Variants in RDM1 observed in about 807,000 individuals in gnomAD.
The protein encoded by RDM1 is RAD52 motif containing 1, also known as RAD52 motif-containing protein 1.
Under a neutral mutation model 27.7 loss-of-function variants are expected in RDM1, and 28 were observed. That is an observed-to-expected ratio of 1.01 (90% confidence interval 0.75 to 1.39). The LOEUF is 1.39. Ranked by LOEUF, RDM1 falls within the 40% of genes most tolerant of loss-of-function variation. The pLI is 0.00. For missense variants in RDM1, 277 were observed against 337.3 expected, an observed-to-expected ratio of 0.82 and a Z score of 1.40; for synonymous variants, 124 against 127.5, an observed-to-expected ratio of 0.97 and a Z score of 0.19.
chr17:35,924,599 C>G lies in RDM1; in HGVS notation c.568+5G>C. The stretch of plus-strand genomic sequence containing the variant: ...TACCCTCCTCCACTCCCAGTGAAAA[C>G]AGACCTTCCTCCACCTTATCCATAG... On this transcript the variant is annotated splice_donor_5th_base_variant and intron_variant, in intron 4 of 6. Coordinates refer to ENST00000620284, the MANE Select transcript of RDM1 (RefSeq NM_145654.4). The G allele has an allele frequency of 6.2e-7, 1 of 1,608,220 alleles. No homozygotes were observed. The highest frequency in any genetic ancestry group is 8.5e-7 in the Non-Finnish European group (1 of 1,175,830).
chr17:35,929,093 G>A (rs1431314167), intron 2 of RDM1, among the ~76,000 whole-genome samples: 1 of 149,106 alleles, frequency 6.7e-6, no homozygotes, highest in Non-Finnish European at 1.5e-5. Flanking sequence ...AAAATAAAAA[G>A]TAAATATAGC....
intron 2 of RDM1, among the ~76,000 whole-genome samples, chr17:35,926,518 C>T (rs960821935): frequency 3.3e-5 from 5 of 152,124 alleles, no homozygotes; most frequent in African/African-American, 1.2e-4. Context: ...ATTCTCCTGC[C>T]TCAGCCTCCC....
chr17:35,930,753 TA>T lies in RDM1; in HGVS notation c.-27del. On this transcript the variant is annotated 5_prime_UTR_variant, in exon 1 of 7. It introduces an in-frame stop codon into an upstream open reading frame of the 5' UTR. Coordinates refer to ENST00000620284, the MANE Select transcript of RDM1 (RefSeq NM_145654.4). ...CCTCCCTTCACCGCACCTGCGCGGC[TA>T]ACCCTCGCCCCAGCATTGCGCCTGC... 6.2e-7 allele frequency: 1 copy of T among 1,607,860 alleles called. No homozygotes were observed. Among genetic ancestry groups the T allele is most frequent in the Non-Finnish European group, 8.5e-7 (1 of 1,176,242 alleles).
intron 1 of RDM1, 46 bp from the exon 2 acceptor site, chr17:35,930,301 A>G: frequency 1.2e-6 from 2 of 1,613,340 alleles, no homozygotes; most frequent in Non-Finnish European, 1.7e-6. Flanking sequence ...ACGCCCAGAA[A>G]ACAAAACCGC....
intron 6 of RDM1, among the ~76,000 whole-genome samples, 177 bp downstream of exon 6, chr17:35,920,010 C>T (rs55691418): frequency 1.9e-3 from 290 of 152,240 alleles, no homozygotes; most frequent in Non-Finnish European, 2.9e-3. Context: ...TTCAAATAAG[C>T]GGTCAGAGCC....
chr17:35,924,564 T>C (rs902699782), intron 4 of RDM1, 40 bp downstream of exon 4: 1 of 1,573,518 alleles, frequency 6.4e-7, no homozygotes, highest in Non-Finnish European at 8.6e-7. Context: ...TCCTTTCCAC[T>C]CCAAATCCCT....
intron 3 of RDM1, 55 bp from the exon 4 acceptor site, chr17:35,924,827 A>G: frequency 6.4e-7 from 1 of 1,559,940 alleles, no homozygotes; most frequent in East Asian, 2.3e-5. Flanking sequence ...AGGCTTCAAA[A>G]TGTTTTGTTA....
intron 2 of RDM1, among the ~76,000 whole-genome samples, chr17:35,926,187 G>T (rs2702950): frequency 4.0e-5 from 6 of 151,510 alleles, no homozygotes; most frequent in African/African-American, 1.5e-4. Flanking sequence ...GCAACTGAAA[G>T]GAGAGGTATA....
intron 2 of RDM1, 75 bp downstream of exon 2, chr17:35,930,001 C>T: frequency 1.5e-6 from 2 of 1,322,814 alleles, no homozygotes; most frequent in Non-Finnish European, 2.1e-6. Flanking sequence ...AACCAGCGTG[C>T]TGGACAAATG....
chr17:35,920,693 G>C (rs1444338402), intron 5 of RDM1, among the ~76,000 whole-genome samples: 1 of 151,888 alleles, frequency 6.6e-6, no homozygotes, highest in African/African-American at 2.4e-5. Context: ...GGCTTTAAGT[G>C]GTCTTCCTGC....
chr17:35,918,369 T>G lies in RDM1; in HGVS notation c.828A>C (p.Glu276Asp), dbSNP rs749904977. The G allele has an allele frequency of 8.7e-6, 14 of 1,613,976 alleles. No individual in the cohort carries two copies. The highest frequency in any genetic ancestry group is 1.7e-4 in the Middle Eastern group (1 of 5,966). ...AGTCAAGTTCTGGCAGCCTGAACTC[T>G]TCCTCCTCCAAGCTGAAATCCGAGA... The part of the protein sequence containing the change: ...GYLSDFSLEE[E>D]EFRLPELD The change falls in exon 7 of 7, where the codon GAA becomes GAC. Residue 276 changes from glutamate to aspartate, a missense_variant. Physicochemically the swap from Glu to Asp is conservative, Grantham distance 45 (BLOSUM62 2). Transcript: ENST00000620284.
In RDM1 at chr17:35,918,408, C is replaced by T; in HGVS notation, c.789G>A (p.Glu263=). 6.2e-7 allele frequency: 1 copy of T among 1,614,172 alleles called. No individual in the cohort carries two copies. Residue 263 remains glutamate, a synonymous_variant, in exon 7 of 7, where the codon GAG becomes GAA. Transcript: ENST00000620284. ...TGAAATCCGAGAGATACCCTTCCTC[C>T]TCTTGGCCATACTGCTTCCAGGGAG... ...PCSPWKQYGQ[E]EEGYLSDFSL...
chr17:35,924,745 T>C lies in RDM1; in HGVS notation c.427A>G (p.Arg143Gly), dbSNP rs148466061. ...KLQELSDLEE[R>G]ENEDSMVPLP... Reference sequence around the variant, plus strand: ...GGCACCATGCTATCTTCATTTTCCCTTTCTTCAAGGTCAGAAAGCTCCTGA... The same window carrying C: ...GGCACCATGCTATCTTCATTTTCCCCTTCTTCAAGGTCAGAAAGCTCCTGA... The change falls in exon 4 of 7, where the codon AGG becomes GGG. Residue 143 changes from arginine (R) to glycine (G), a missense_variant. By Grantham distance (125) the Arg-to-Gly change is moderately radical (BLOSUM62 -2). Transcript: ENST00000620284. 2.0e-4 allele frequency: 317 copies of C among 1,614,022 alleles called. No individual in the cohort carries two copies. The highest frequency in any genetic ancestry group is 2.6e-4 in the Non-Finnish European group (305 of 1,179,998).
Position 35,927,896 on chromosome 17 carries a change from A to T in RDM1, c.276+2180T>A, listed in dbSNP as rs1196582314. On this transcript the variant is annotated intron_variant, in intron 2 of 6. Transcript: ENST00000620284. ...GTACCTTTATAATATTTGAGTGGCT[A>T]TGTGAAATGGTCACAGGTTAGAAAC... Among the ~76,000 whole-genome samples, 5 of 152,244 alleles carry T rather than the reference A, an allele frequency of 3.3e-5. No homozygotes were observed. The East Asian group carries it at 9.6e-4, about 29-fold the overall frequency.
chr17:35,924,690 C>G lies in RDM1; in HGVS notation c.482G>C (p.Cys161Ser). 4 of 1,614,190 alleles carry G rather than the reference C, an allele frequency of 2.5e-6. No individual in the cohort carries two copies. The highest frequency in any genetic ancestry group is 3.4e-6 in the Non-Finnish European group (4 of 1,180,016). Residue 161 changes from cysteine (C) to serine (S), a missense_variant, in exon 4 of 7, where the codon TGT becomes TCT. Cys to Ser is a moderately radical substitution (Grantham distance 112). Transcript: ENST00000620284. ...PLPKQSLKFF[C>S]ALEVVLPSCD... Reference sequence around the variant, plus strand: ...GGATGGCAACACCACTTCTAAAGCACAGAAGAACTTCAGGCTTTGCTTCGG... The same window carrying G: ...GGATGGCAACACCACTTCTAAAGCAGAGAAGAACTTCAGGCTTTGCTTCGG...
chr17:35,930,639 G>C lies in RDM1; in HGVS notation c.89C>G (p.Ala30Gly). Residue 30 changes from alanine to glycine, a missense_variant, in exon 1 of 7, where the codon GCT (alanine) becomes GGT (glycine). Physicochemically the swap from Ala to Gly is moderately conservative, Grantham distance 60. Transcript: ENST00000620284. ...ATCCTGGCCCCGGCTCACATGCAAA[G>C]CCTCGGCCGTGGGTCCGGAGCTCAG... ...WELSSGPTAE[A>G]LHHSLFTAFS... is the part of the protein sequence containing the mutation. 1 of 1,613,126 alleles carries C rather than the reference G, an allele frequency of 6.2e-7. No homozygotes were observed. The highest frequency in any genetic ancestry group is 8.5e-7 in the Non-Finnish European group (1 of 1,179,872).
intron 6 of RDM1, among the ~76,000 whole-genome samples, chr17:35,918,651 G>T (rs1244046388): frequency 2.0e-5 from 3 of 152,152 alleles, no homozygotes; most frequent in African/African-American, 4.8e-5. Flanking sequence ...TTCAGTCTGG[G>T]AGAGAAGTTT....
chr17:35,930,167 T>C lies in RDM1; in HGVS notation c.185A>G (p.Tyr62Cys). 1 of 1,614,102 alleles carries C rather than the reference T, an allele frequency of 6.2e-7. No individual in the cohort carries two copies. The highest frequency in any genetic ancestry group is 8.5e-7 in the Non-Finnish European group (1 of 1,180,020). The change falls in exon 2 of 7, where the codon TAT becomes TGT. Residue 62 changes from tyrosine to cysteine, a missense_variant. Transcript: ENST00000620284. ...TGCAGAATAAAACTTAATGACGGCA[T>C]AGAAACCAGGATGGGCCACTGCAGC... is the stretch of plus-strand genomic sequence containing the variant. Reference protein sequence around the residue: ...PNAAVAHPGFYAVIKFYSARA... With the variant: ...PNAAVAHPGFCAVIKFYSARA...
intron 6 of RDM1, 117 bp downstream of exon 6, chr17:35,920,070 T>C: frequency 1.7e-6 from 1 of 573,066 alleles, no homozygotes; most frequent in Non-Finnish European, 3.1e-6. Flanking sequence ...CACTCAAAAG[T>C]AGTATCAGTT....
Sources: allele counts gnomAD v4.1 joint callset (sites outside exome capture counted in the v4.1 genomes callset), GRCh38; gene constraint gnomAD v4.1.1; transcripts MANE v1.5; gene names NCBI Gene and HGNC (gene_info 2026-07-23, HGNC 2026-07-21).